CNTNAP2: variants seen among roughly 807,000 people sequenced by gnomAD.
The protein encoded by CNTNAP2 is contactin associated protein 2, also known as contactin-associated protein-like 2.
In CNTNAP2, 98 loss-of-function variants were observed where a neutral mutation model predicts 155.2. The observed-to-expected ratio is 0.63, with a 90% CI of 0.54 to 0.75. CNTNAP2 has a LOEUF of 0.75. Ranked by LOEUF, CNTNAP2 falls within the 30% of genes least tolerant of loss-of-function variation. CNTNAP2 has a pLI of 0.00. For missense variants in CNTNAP2, 1,727 were observed against 1,688.1 expected, an observed-to-expected ratio of 1.02 and a Z score of -0.40; for synonymous variants, 651 against 631.2, an observed-to-expected ratio of 1.03 and a Z score of -0.47.
chr7:146,985,308 ATTTTTTTTTTTT>A (rs71165057), intron 3 of CNTNAP2, among the ~76,000 whole-genome samples: 10 of 127,846 alleles, frequency 7.8e-5, no homozygotes, highest in Non-Finnish European at 1.3e-4. Context: ...AAATGCTTGA[ATTTTTTTTTTTT>A]TTTTTTTTTT....
chr7:146,263,741 T>C (rs1241275879), intron 1 of CNTNAP2, among the ~76,000 whole-genome samples: 1 of 152,074 alleles, frequency 6.6e-6, no homozygotes, highest in Non-Finnish European at 1.5e-5. Flanking sequence ...TGAAATAATA[T>C]TTGTAAAGCC....
chr7:146,357,232 C>CA (rs71525940), intron 1 of CNTNAP2, among the ~76,000 whole-genome samples: 35,633 of 98,140 alleles, frequency 0.36, 5,831 homozygotes, highest in Admixed American at 0.48. Context: ...TACAGTGCTC[C>CA]AAAAAAAAAA....
Position 147,328,530 on chromosome 7 carries a change from G to A in CNTNAP2, c.1498+28240G>A, listed in dbSNP as rs189008580. The stretch of plus-strand genomic sequence containing the variant: ...TCGACTATTTAGAGGGCCGAGGCCA[G>A]AAACTACAGGCAAGAATAAGCCTTC... On this transcript the variant is annotated intron_variant, in intron 9 of 23. Coordinates refer to ENST00000361727, the MANE Select transcript of CNTNAP2 (RefSeq NM_014141.6). 2.4e-3 allele frequency among the ~76,000 whole-genome samples: 360 copies of A among 152,290 alleles called. 2 individuals carry two copies. The highest frequency in any genetic ancestry group is 0.022 in the Admixed American group (336 of 15,286).
intron 21 of CNTNAP2, 113 bp from the exon 22 acceptor site, chr7:148,383,536 T>A: frequency 6.8e-7 from 1 of 1,460,136 alleles, no homozygotes; most frequent in Non-Finnish European, 9.6e-7. Flanking sequence ...CAATGTAACA[T>A]CTTAAACTGA....
chr7:146,707,594 T>C (rs548199385), intron 1 of CNTNAP2, among the ~76,000 whole-genome samples: 103 of 152,254 alleles, frequency 6.8e-4, no homozygotes, highest in African/African-American at 2.3e-3. Context: ...AGGTTGACCC[T>C]GTGACTCTGA....
At chr7:146,836,233 G>T (rs1419470687) in intron 2 of CNTNAP2, among the ~76,000 whole-genome samples, 1 of 127,956 alleles carries the variant, frequency 7.8e-6, no homozygotes, top group Non-Finnish European at 1.5e-5. Flanking sequence ...GAAAGGTACA[G>T]ATTTTAAATT....
rs776956365 is a variant in CNTNAP2 at position 147,108,241 on chromosome 7, C to T, written c.645C>T (p.Asn215=). The change falls in exon 5 of 24, where the codon AAC becomes AAT. Residue 215 remains asparagine, a synonymous_variant. Transcript: ENST00000361727. ...MKTLKDVIAL[N]FKTSESEGVI... ...CACTGAAAGATGTCATTGCCTTGAA[C>T]TTTAAGACGTCTGAAAGTGAAGGAG... is the stretch of plus-strand genomic sequence containing the variant. 1.0e-4 allele frequency: 162 copies of T among 1,613,470 alleles called. No individual in the cohort carries two copies. Among genetic ancestry groups the T allele is most frequent in the Admixed American group, 1.3e-4 (8 of 59,922 alleles).
chr7:148,400,606 A>G (rs1293080419), intron 22 of CNTNAP2, among the ~76,000 whole-genome samples: 1 of 152,186 alleles, frequency 6.6e-6, no homozygotes. Context: ...ATACCTACAT[A>G]TAACCTACAC....
intron 3 of CNTNAP2, among the ~76,000 whole-genome samples, chr7:146,905,072 T>C (rs1796089787): frequency 6.6e-6 from 1 of 152,142 alleles, no homozygotes; most frequent in Non-Finnish European, 1.5e-5. Context: ...CTCTGCATTG[T>C]TGCTTAGCCG....
At chr7:147,026,685 A>C (rs2129248784) in intron 3 of CNTNAP2, among the ~76,000 whole-genome samples, 1 of 151,748 alleles carries the variant, frequency 6.6e-6, no homozygotes, top group African/African-American at 2.4e-5. Context: ...GTTTCACAGG[A>C]TATTTTCCAA....
chr7:146,422,855 A>G (rs1423164016), intron 1 of CNTNAP2, among the ~76,000 whole-genome samples: 1 of 152,138 alleles, frequency 6.6e-6, no homozygotes, highest in East Asian at 1.9e-4. Flanking sequence ...CTTATACTTT[A>G]GCAAAAAATT....
At chr7:147,952,655 C>T (rs569160758) in intron 14 of CNTNAP2, among the ~76,000 whole-genome samples, 20 of 152,080 alleles carry the variant, frequency 1.3e-4, no homozygotes, top group Non-Finnish European at 4.4e-5. Context: ...CTTAGACTCA[C>T]AGTAAGAAAG....
At chr7:146,212,439 C>T (rs1290653443) in intron 1 of CNTNAP2, among the ~76,000 whole-genome samples, 1 of 152,076 alleles carries the variant, frequency 6.6e-6, no homozygotes, top group African/African-American at 2.4e-5. Flanking sequence ...GAACATTCAG[C>T]CCAGGTATGT....
At chr7:146,318,742 G>C (rs1485850647) in intron 1 of CNTNAP2, among the ~76,000 whole-genome samples, 1 of 152,088 alleles carries the variant, frequency 6.6e-6, no homozygotes, top group African/African-American at 2.4e-5. Context: ...AGCCGGTGTG[G>C]AGGGAGTGTA....
intron 21 of CNTNAP2, among the ~76,000 whole-genome samples, chr7:148,369,762 G>C (rs953916194): frequency 8.6e-5 from 13 of 151,784 alleles, no homozygotes; most frequent in African/African-American, 3.1e-4. Flanking sequence ...CCAGGAGGAG[G>C]CAGAAGGCAC....
intron 14 of CNTNAP2, among the ~76,000 whole-genome samples, chr7:147,936,300 AT>A (rs56980866): frequency 0.17 from 24,517 of 147,744 alleles, 1,996 homozygotes; most frequent in Middle Eastern, 0.28. Flanking sequence ...CATTTATTTT[AT>A]TTTTTTTTTT....
intron 13 of CNTNAP2, among the ~76,000 whole-genome samples, chr7:147,776,064 A>G (rs1015830193): frequency 1.3e-5 from 2 of 152,160 alleles, no homozygotes; most frequent in African/African-American, 4.8e-5. Context: ...TTCCCTAGTA[A>G]AAGTAATAAA....
At chr7:148,229,327 C>A (rs1795917342) in intron 19 of CNTNAP2, among the ~76,000 whole-genome samples, 1 of 152,126 alleles carries the variant, frequency 6.6e-6, no homozygotes, top group African/African-American at 2.4e-5. Flanking sequence ...ATTTCGAGAC[C>A]AGCCTGGCCA....
At chr7:146,420,224 C>A (rs1345084000) in intron 1 of CNTNAP2, among the ~76,000 whole-genome samples, 3 of 152,020 alleles carry the variant, frequency 2.0e-5, no homozygotes, top group Non-Finnish European at 4.4e-5. Flanking sequence ...GGTTAAAAAA[C>A]CCAGGCAATT....
Sources: allele counts gnomAD v4.1 joint callset (sites outside exome capture counted in the v4.1 genomes callset), GRCh38; gene constraint gnomAD v4.1.1; transcripts MANE v1.5; gene names NCBI Gene and HGNC (gene_info 2026-07-23, HGNC 2026-07-21).